Variants in ANK3 observed in about 807,000 individuals in gnomAD.
ANK3 encodes ankyrin-3.
Under a neutral mutation model 370.9 loss-of-function variants are expected in ANK3, and 57 were observed. The ratio of observed to expected loss-of-function variants is 0.15; its 90% CI spans 0.12 to 0.19. The LOEUF is 0.19. Among genes scored for constraint, ANK3 ranks in the 10% least tolerant of loss-of-function variants. The probability of loss-of-function intolerance (pLI) is 1.00; values close to 1 mark genes in which losing one functional copy is unlikely to be tolerated. For missense variants in ANK3, 4,439 were observed against 5,302.1 expected (o/e 0.84, Z 5.06); for synonymous variants, 1,929 against 1,946.3 (o/e 0.99, Z 0.23).
At chr10:60,447,631 C>T (rs1290342525) in intron 2 of ANK3, among the ~76,000 whole-genome samples, 1 of 152,116 alleles carries the variant, frequency 6.6e-6, no homozygotes, top group Non-Finnish European at 1.5e-5. Context: ...ATGCACCATG[C>T]CAAGATTTTC....
At chr10:60,570,209 T>C (rs1482461210) in intron 2 of ANK3, among the ~76,000 whole-genome samples, 1 of 152,176 alleles carries the variant, frequency 6.6e-6, no homozygotes, top group Non-Finnish European at 1.5e-5. Context: ...TAGTGTCAAC[T>C]GCATACAAGG....
At chr10:60,220,842 T>C (rs1432387074) in intron 8 of ANK3, among the ~76,000 whole-genome samples, 3 of 152,206 alleles carry the variant, frequency 2.0e-5, no homozygotes, top group South Asian at 2.1e-4. Flanking sequence ...AGAATAAATC[T>C]ATTCAAATAT....
At chr10:60,196,001 G>T in intron 16 of ANK3, 144 bp downstream of exon 16, 1 of 640,674 alleles carries the variant, frequency 1.6e-6, no homozygotes, top group Non-Finnish European at 2.7e-6. Flanking sequence ...TGAAGGCACA[G>T]ATGTCCTAAG....
At chr10:60,371,789 T>G (rs1035866903) in intron 1 of ANK3, among the ~76,000 whole-genome samples, 3 of 152,172 alleles carry the variant, frequency 2.0e-5, no homozygotes, top group Non-Finnish European at 2.9e-5. Flanking sequence ...CTTTCTGGTA[T>G]CCAAACTGAT....
At position 60,420,292 on chromosome 10, in the gene ANK3, G is replaced by A. The variant is rs190160111; in HGVS notation, c.97-140653C>T. 1.7e-3 allele frequency among the ~76,000 whole-genome samples: 263 copies of A among 152,128 alleles called. 1 individual carries two copies. The highest frequency in any genetic ancestry group is 3.4e-3 in the Middle Eastern group (1 of 294). On this transcript the variant is annotated intron_variant, in intron 2 of 43. Coordinates refer to the ANK3 transcript ENST00000373827. ...AACAGAATAAAGTGGCTCCCAAATCGCTTGTACTATTCACTAGCTCTTTAT... is the reference window on the plus strand; with the variant it reads ...AACAGAATAAAGTGGCTCCCAAATCACTTGTACTATTCACTAGCTCTTTAT...
At chr10:60,200,799 G>A (rs1027578069) in intron 12 of ANK3, among the ~76,000 whole-genome samples, 1 of 152,100 alleles carries the variant, frequency 6.6e-6, no homozygotes, top group African/African-American at 2.4e-5. Context: ...CATAGCCAAG[G>A]GCTGGATTTG....
At chr10:60,712,170 A>AC (rs201746228) in intron 1 of ANK3, among the ~76,000 whole-genome samples, 13 of 151,774 alleles carry the variant, frequency 8.6e-5, no homozygotes, top group South Asian at 6.2e-4. Context: ...ACATAGTGAG[A>AC]CCCCCCCAGT....
intron 2 of ANK3, among the ~76,000 whole-genome samples, chr10:60,506,436 T>C (rs1007095544): frequency 6.6e-6 from 1 of 152,094 alleles, no homozygotes; most frequent in African/African-American, 2.4e-5. Flanking sequence ...TTTCCAAAGT[T>C]TGGGGACTCA....
intron 2 of ANK3, among the ~76,000 whole-genome samples, chr10:60,538,875 T>TG (rs1394411135): frequency 6.6e-6 from 1 of 151,978 alleles, no homozygotes; most frequent in Non-Finnish European, 1.5e-5. Flanking sequence ...CCATAGTTAT[T>TG]GAAACAATGG....
rs1031992731 is a variant in ANK3 at position 60,697,888 on chromosome 10, G to A, written c.57+35375C>T. Reference sequence around the variant, plus strand: ...AACACCAAAAGCAATGGCAACAAAAGCCAAAATTGACAAATGGGATCTAAT... The same window carrying A: ...AACACCAAAAGCAATGGCAACAAAAACCAAAATTGACAAATGGGATCTAAT... On this transcript the variant is annotated intron_variant, in intron 1 of 43. Transcript: ENST00000373827. 9.8e-4 allele frequency among the ~76,000 whole-genome samples: 148 copies of A among 151,474 alleles called. 1 individual carries two copies. Among genetic ancestry groups the A allele is most frequent in the Middle Eastern group, 6.9e-3 (2 of 290 alleles).
At chr10:60,563,757 A>G (rs890992827) in intron 2 of ANK3, among the ~76,000 whole-genome samples, 1 of 152,184 alleles carries the variant, frequency 6.6e-6, no homozygotes, top group Non-Finnish European at 1.5e-5. Flanking sequence ...CCATGCTCAG[A>G]GTCTATGCCC....
At chr10:60,609,530 T>G (rs941860823) in intron 2 of ANK3, among the ~76,000 whole-genome samples, 2 of 76,510 alleles carry the variant, frequency 2.6e-5, no homozygotes, top group East Asian at 1.1e-3. Flanking sequence ...AGGGGACTTC[T>G]TTTTTCCTTT....
chr10:60,320,141 C>T (rs1371683546), intron 1 of ANK3, among the ~76,000 whole-genome samples: 2 of 152,234 alleles, frequency 1.3e-5, no homozygotes, highest in African/African-American at 4.8e-5. Flanking sequence ...CCTACTACCA[C>T]CTACAATTTC....
chr10:60,668,849 C>A (rs962739846), intron 1 of ANK3, among the ~76,000 whole-genome samples: 1 of 152,096 alleles, frequency 6.6e-6, no homozygotes, highest in South Asian at 2.1e-4. Flanking sequence ...AAAAATTAGC[C>A]GGGCGCGGTG....
At chr10:60,550,132 T>C (rs1313708890) in intron 2 of ANK3, among the ~76,000 whole-genome samples, 2 of 152,000 alleles carry the variant, frequency 1.3e-5, no homozygotes, top group African/African-American at 2.4e-5. Context: ...AGTAAAATCA[T>C]ATATAAATCA....
At chr10:60,700,928 T>C (rs540659324) in intron 1 of ANK3, among the ~76,000 whole-genome samples, 1 of 151,982 alleles carries the variant, frequency 6.6e-6, no homozygotes, top group South Asian at 2.1e-4. Flanking sequence ...AAGATAAAGA[T>C]AAATTTTAAT....
chr10:60,658,814 A>G (rs1435416113), intron 1 of ANK3, among the ~76,000 whole-genome samples: 2 of 151,398 alleles, frequency 1.3e-5, no homozygotes, highest in African/African-American at 4.8e-5. Context: ...TGACTGGCCT[A>G]TTAGGGGAGG....
At chr10:60,438,126 C>T (rs2064203920) in intron 2 of ANK3, among the ~76,000 whole-genome samples, 1 of 152,058 alleles carries the variant, frequency 6.6e-6, no homozygotes, top group African/African-American at 2.4e-5. Context: ...TTCTACTCTC[C>T]AATTCCTAAA....
At chr10:60,516,076 C>T (rs2133172063) in intron 2 of ANK3, among the ~76,000 whole-genome samples, 1 of 151,874 alleles carries the variant, frequency 6.6e-6, no homozygotes, top group Admixed American at 6.6e-5. Flanking sequence ...AATTGTGATC[C>T]CTATTTATAG....
Sources: allele counts gnomAD v4.1 joint callset (sites outside exome capture counted in the v4.1 genomes callset), GRCh38; gene constraint gnomAD v4.1.1; transcripts MANE v1.5; gene names NCBI Gene and HGNC (gene_info 2026-07-23, HGNC 2026-07-21).